The following MICU3 variants were observed in gnomAD, a reference collection of about 807,000 sequenced individuals.
The protein encoded by MICU3 is mitochondrial calcium uptake 3.
Under a neutral mutation model 66.5 loss-of-function variants are expected in MICU3, and 62 were observed. That is an observed-to-expected ratio of 0.93 (90% CI 0.76 to 1.15). The LOEUF (loss-of-function observed/expected upper bound fraction) is 1.15. MICU3 is among the 50% of genes most tolerant of loss of function. The probability of loss-of-function intolerance (pLI) is 0.00; values close to 1 mark genes in which losing one functional copy is unlikely to be tolerated. For synonymous variants in MICU3, 308 were observed against 240.7 expected, an observed-to-expected ratio of 1.28 and a Z score of -2.59; for missense variants, 779 against 664.4, an observed-to-expected ratio of 1.17 and a Z score of -1.90.
intron 9 of MICU3, among the ~76,000 whole-genome samples, chr8:17,100,303 A>G (rs1276742868): frequency 2.0e-5 from 3 of 151,774 alleles, no homozygotes; most frequent in East Asian, 3.9e-4. Context: ...TAATGAATGA[A>G]TTGAATCAAA....
In MICU3 at chr8:17,114,116, G is replaced by A. The variant is rs757144737; in HGVS notation, c.1281G>A (p.Arg427=). Residue 427 remains arginine (R), a synonymous_variant, in exon 12 of 15, where the codon AGG becomes AGA. Coordinates refer to ENST00000318063, the MANE Select transcript of MICU3 (RefSeq NM_181723.3). ...EEKGITFDEF[R]SFFQFLNNLE... ...AGGGCATCACATTTGATGAATTCAGGTCATTTTTCCAGTTTTTAAACAACC... is the reference window on the plus strand; with the variant it reads ...AGGGCATCACATTTGATGAATTCAGATCATTTTTCCAGTTTTTAAACAACC... 5 of 1,610,702 alleles carry A rather than the reference G, an allele frequency of 3.1e-6. No homozygotes were observed. Among genetic ancestry groups the A allele is most frequent in the East Asian group, 2.2e-5 (1 of 44,774 alleles).
Position 17,027,439 on chromosome 8 carries a change from G to T in MICU3, c.160G>T (p.Ala54Ser). 7.6e-7 allele frequency: 1 copy of T among 1,312,584 alleles called. No individual in the cohort carries two copies. The highest frequency in any genetic ancestry group is 9.7e-7 in the Non-Finnish European group (1 of 1,035,804). 81.3% of individuals were successfully genotyped at this position (1,312,584 alleles called of 1,614,324 possible). A position where few individuals can be genotyped will look rare whatever the true frequency, so the allele number is the denominator to read the frequency against. ...SSREDEERAV[A>S]EAAWRRRRRW... is the part of the protein sequence containing the mutation. ...CCGAGAGGATGAGGAGAGGGCTGTG[G>T]CGGAGGCGGCATGGAGGCGGCGGCG... The change falls in exon 1 of 15, where the codon GCG becomes TCG. Residue 54 changes from alanine (A) to serine (S), a missense_variant. Coordinates refer to ENST00000318063, the MANE Select transcript of MICU3 (RefSeq NM_181723.3).
intron 1 of MICU3, among the ~76,000 whole-genome samples, chr8:17,045,228 G>A (rs189348651): frequency 2.6e-4 from 39 of 152,226 alleles, no homozygotes; most frequent in Middle Eastern, 3.4e-3. Flanking sequence ...TTCCTGGCTC[G>A]TAACTACCAT....
downstream of MICU3, among the ~76,000 whole-genome samples, chr8:17,124,958 C>A (rs1216739436): frequency 1.3e-5 from 2 of 152,038 alleles, no homozygotes; most frequent in African/African-American, 4.8e-5. Flanking sequence ...TGATAAAAGT[C>A]TTTTGCTTGA....
At chr8:17,116,276 C>T (rs527717279) in intron 12 of MICU3, among the ~76,000 whole-genome samples, 167 bp from the exon 13 acceptor site, 5 of 152,272 alleles carry the variant, frequency 3.3e-5, no homozygotes, top group South Asian at 2.1e-4. Context: ...TCATTTAAAC[C>T]ACAAAAATGT....
chr8:17,113,618 T>C (rs1045660347), intron 11 of MICU3, among the ~76,000 whole-genome samples: 1 of 152,230 alleles, frequency 6.6e-6, no homozygotes, highest in South Asian at 2.1e-4. Flanking sequence ...GAGTCAGCAC[T>C]TTGATTTTGC....
chr8:17,125,332 A>G (rs1803378177), downstream of MICU3, among the ~76,000 whole-genome samples: 1 of 149,540 alleles, frequency 6.7e-6, no homozygotes, highest in African/African-American at 2.5e-5. Context: ...ATTCTCTCTG[A>G]TTATTTCAGT....
In MICU3 at chr8:17,027,253, C is replaced by A. The variant is rs777784151; in HGVS notation, c.-27C>A. ...CCGCCCCTCCGTTCTCTGCCCCCTC[C>A]CAGCTCTGGTGTGGGCGGCCTCCGC... is the stretch of plus-strand genomic sequence containing the variant. On this transcript the variant is annotated 5_prime_UTR_variant, in exon 1 of 15. Coordinates refer to ENST00000318063, the MANE Select transcript of MICU3 (RefSeq NM_181723.3). 2 of 1,236,904 alleles carry A rather than the reference C, an allele frequency of 1.6e-6. No individual in the cohort carries two copies. The allele number at this position is 1,236,904 out of a possible 1,614,324, so 76.6% of individuals were successfully genotyped here.
intron 1 of MICU3, among the ~76,000 whole-genome samples, chr8:17,030,700 A>T (rs988002104): frequency 1.3e-5 from 2 of 152,228 alleles, no homozygotes; most frequent in African/African-American, 4.8e-5. Context: ...GTATCTAATG[A>T]TATACTTAGG....
At chr8:17,037,874 G>C (rs1160072319) in intron 1 of MICU3, among the ~76,000 whole-genome samples, 1 of 152,198 alleles carries the variant, frequency 6.6e-6, no homozygotes, top group Non-Finnish European at 1.5e-5. Flanking sequence ...AGTCAAAGGA[G>C]ATCATTTTGG....
chr8:17,122,712 T>C (rs892646787), downstream of MICU3: 1 of 152,050 alleles, frequency 6.6e-6, no homozygotes, highest in Non-Finnish European at 1.5e-5. Flanking sequence ...CTTCAAACTT[T>C]GGAAATCTTT....
intron 2 of MICU3, 21 bp downstream of exon 2, chr8:17,064,258 A>T: frequency 6.3e-7 from 1 of 1,578,612 alleles, no homozygotes; most frequent in East Asian, 2.2e-5. Flanking sequence ...TTTTGAAATT[A>T]TCTTAATAAT....
rs1314364057 is a variant in MICU3 at position 17,050,342 on chromosome 8, A to G, written c.382-13742A>G. 2.0e-5 allele frequency among the ~76,000 whole-genome samples: 3 copies of G among 151,686 alleles called. No individual in the cohort carries two copies. The East Asian group carries it at 5.8e-4, about 29-fold the overall frequency. On this transcript the variant is annotated intron_variant, in intron 1 of 14. Transcript: ENST00000318063. ...ATATATTTTATTTAATATTATATTT[A>G]GGAAATTTATACATATTGACACATG...
intron 1 of MICU3, among the ~76,000 whole-genome samples, chr8:17,034,316 G>A (rs953040658): frequency 8.5e-5 from 13 of 152,224 alleles, no homozygotes; most frequent in African/African-American, 1.2e-4. Context: ...GACAATGTAC[G>A]TAGTCACCCA....
intron 1 of MICU3, among the ~76,000 whole-genome samples, chr8:17,052,631 T>C (rs973957022): frequency 3.3e-5 from 5 of 152,216 alleles, no homozygotes; most frequent in Admixed American, 3.3e-4. Context: ...AGGGAAGTAC[T>C]ATTAGCTTGT....
intron 5 of MICU3, among the ~76,000 whole-genome samples, chr8:17,083,712 C>G (rs960103294): frequency 2.7e-5 from 4 of 150,486 alleles, no homozygotes; most frequent in African/African-American, 1.0e-4. Flanking sequence ...GAGGTTGATC[C>G]ATTCTGCAAA....
chr8:17,029,604 T>G (rs940319537), intron 1 of MICU3, among the ~76,000 whole-genome samples: 1 of 152,244 alleles, frequency 6.6e-6, no homozygotes, highest in Non-Finnish European at 1.5e-5. Context: ...CTGTGTCTTA[T>G]GCTTCCCTAG....
rs111661773 is a variant in MICU3 at position 17,107,697 on chromosome 8, C to G, written c.1257+2113C>G. On this transcript the variant is annotated intron_variant, in intron 11 of 14. Transcript: ENST00000318063. ...AATGGTAAAGTTGAGGCAACAGAGA[C>G]CATGTAGCCAGTAAAAATGAAAATA... is the stretch of plus-strand genomic sequence containing the variant. Among the ~76,000 whole-genome samples, 1,512 of 152,220 alleles carry G rather than the reference C, an allele frequency of 9.9e-3. 28 individuals are homozygous for G. The highest frequency in any genetic ancestry group is 0.034 in the African/African-American group (1,428 of 41,538).
chr8:17,072,400 T>C (rs1819717776), intron 3 of MICU3, among the ~76,000 whole-genome samples: 1 of 151,876 alleles, frequency 6.6e-6, no homozygotes, highest in Non-Finnish European at 1.5e-5. Flanking sequence ...GATTAAGTTC[T>C]TATTTGTGAC....
Sources: gnomAD v4.1 joint callset for allele counts (sites outside exome capture counted in the v4.1 genomes callset) on GRCh38, gnomAD v4.1.1 for gene constraint, MANE v1.5 for transcripts, NCBI Gene and HGNC (gene_info 2026-07-23, HGNC 2026-07-21) for gene names.